GLIS3: variants seen among roughly 807,000 people sequenced by gnomAD.
GLIS3 encodes the protein zinc finger protein GLIS3.
In GLIS3, 53 loss-of-function variants were observed where a neutral mutation model predicts 78.6. The observed-to-expected ratio is 0.67, with a 90% CI of 0.54 to 0.85. GLIS3 has a LOEUF of 0.85. GLIS3 is among the 40% of genes least tolerant of loss of function. The probability of loss-of-function intolerance (pLI) is 0.00; values close to 1 mark genes in which losing one functional copy is unlikely to be tolerated. For missense variants in GLIS3, 1,703 were observed against 1,231.1 expected (o/e 1.38, Z -5.74); for synonymous variants, 684 against 509.9 (o/e 1.34, Z -4.60).
chr9:4,467,991 G>A, the GLIS3 span, among the ~76,000 whole-genome samples: 1 of 152,126 alleles, frequency 6.6e-6, no homozygotes, highest in Non-Finnish European at 1.5e-5. Context: ...ACGTGACACA[G>A]GCACAAGGTT....
At chr9:4,443,305 A>G in the GLIS3 span, among the ~76,000 whole-genome samples, 1 of 152,086 alleles carries the variant, frequency 6.6e-6, no homozygotes, top group Admixed American at 6.6e-5. Flanking sequence ...ACTTTCTTTA[A>G]TTTTTTCTGT....
Position 4,045,932 on chromosome 9 carries a change from G to A in GLIS3, c.1710+71836C>T, listed in dbSNP as rs563643880. On this transcript the variant is annotated intron_variant, in intron 4 of 10. Coordinates refer to ENST00000381971, the MANE Select transcript of GLIS3 (RefSeq NM_001042413.2). ...AGATTCTAAAAATTATATAGAGGTC[G>A]GTCACCTTGGGAGATCGGGGGGGAA... is the stretch of plus-strand genomic sequence containing the variant. Among the ~76,000 whole-genome samples the A allele has an allele frequency of 1.9e-3, 287 of 152,162 alleles. 1 individual carries two copies. Among genetic ancestry groups the A allele is most frequent in the Non-Finnish European group, 1.5e-3 (102 of 67,994 alleles).
At chr9:4,346,596 A>G (rs1817900711) in intron 2 of GLIS3, among the ~76,000 whole-genome samples, 1 of 152,218 alleles carries the variant, frequency 6.6e-6, no homozygotes, top group African/African-American at 2.4e-5. Flanking sequence ...TCTCAGTTGC[A>G]CCTTTATGGC....
chr9:4,470,110 T>C, the GLIS3 span, among the ~76,000 whole-genome samples: 5 of 152,134 alleles, frequency 3.3e-5, no homozygotes, highest in African/African-American at 1.2e-4. Flanking sequence ...AGGCAATAAT[T>C]AATAACCCAC....
In GLIS3 at chr9:3,977,050, T is replaced by C. The variant is rs1324772654; in HGVS notation, c.1711-39861A>G. 6.6e-6 allele frequency among the ~76,000 whole-genome samples: 1 copy of C among 152,116 alleles called. No homozygotes were observed. Among genetic ancestry groups the C allele is most frequent in the East Asian group, 1.9e-4 (1 of 5,188 alleles). On this transcript the variant is annotated intron_variant, in intron 4 of 10. Transcript: ENST00000381971. This position sits in a 1 kb window ranked among gnomAD's most constrained non-coding sequence, Gnocchi z 4.1. ...TTTCAGATAACGCAGCCTTCTGTCA[T>C]GTTCTCCTACTCTGAGGTTTATGCA...
At chr9:4,223,288 T>C (rs1821490455) in intron 2 of GLIS3, among the ~76,000 whole-genome samples, 3 of 152,236 alleles carry the variant, frequency 2.0e-5, no homozygotes, top group Admixed American at 6.5e-5. Flanking sequence ...ACTTCTACTG[T>C]GTCACTTTGG....
intron 4 of GLIS3, among the ~76,000 whole-genome samples, chr9:4,085,070 A>C (rs1374223070): frequency 1.3e-5 from 2 of 152,130 alleles, no homozygotes; most frequent in Admixed American, 6.5e-5. Flanking sequence ...TACTCAACAG[A>C]AACAACAAAA....
chr9:4,252,213 T>G (rs750321126), intron 2 of GLIS3, among the ~76,000 whole-genome samples: 16 of 152,202 alleles, frequency 1.1e-4, no homozygotes, highest in Non-Finnish European at 1.8e-4. Flanking sequence ...AAAGCTTGGT[T>G]CCATTCTCCC....
chr9:3,980,798 T>A (rs1014200748), intron 4 of GLIS3, among the ~76,000 whole-genome samples: 51 of 152,204 alleles, frequency 3.4e-4, no homozygotes, highest in Non-Finnish European at 5.9e-5. Context: ...TTCTGCCTTC[T>A]GCTTCTCACT....
At chr9:4,143,556 G>T (rs1163129961) in intron 2 of GLIS3, among the ~76,000 whole-genome samples, 3 of 140,890 alleles carry the variant, frequency 2.1e-5, no homozygotes, top group African/African-American at 7.9e-5. Context: ...GACAGAGCAA[G>T]ACTGTCTCAA....
At chr9:4,326,006 A>G (rs1817592467) in intron 2 of GLIS3, among the ~76,000 whole-genome samples, 1 of 152,192 alleles carries the variant, frequency 6.6e-6, no homozygotes, top group Non-Finnish European at 1.5e-5. Context: ...AATGATGATG[A>G]GAACACAAGT....
intron 4 of GLIS3, chr9:4,034,569 C>T (rs1824149717): frequency 6.6e-6 from 1 of 152,168 alleles, no homozygotes; most frequent in Non-Finnish European, 1.5e-5. Flanking sequence ...CTCGGGGATT[C>T]ACAGAAAGCG....
the GLIS3 span, among the ~76,000 whole-genome samples, chr9:4,435,023 A>T: frequency 6.6e-6 from 1 of 152,232 alleles, no homozygotes; most frequent in Non-Finnish European, 1.5e-5. Context: ...TTGTACAAGA[A>T]TTTGGGTTGT....
rs760535978 is a variant in GLIS3 at position 4,053,705 on chromosome 9, T to TAAAAAA, written c.1710+64057_1710+64062dup. Among the ~76,000 whole-genome samples, 16 of 91,148 alleles carry TAAAAAA rather than the reference T, an allele frequency of 1.8e-4. No homozygotes were observed. The South Asian group carries it at 1.9e-3, about 11-fold the overall frequency. 59.8% of individuals were successfully genotyped at this position (91,148 alleles called of 152,430 possible). On this transcript the variant is annotated intron_variant, in intron 4 of 10. Coordinates refer to ENST00000381971, the MANE Select transcript of GLIS3 (RefSeq NM_001042413.2). ...AGTGCCTACTTGTTTTCTTTCTTCA[T>TAAAAAA]AAAAAAAAAAAAAAAAAATTCTGGA... is the stretch of plus-strand genomic sequence containing the variant.
chr9:4,125,616 G>A (rs1001727987), intron 3 of GLIS3, 118 bp downstream of exon 3: 1 of 775,374 alleles, frequency 1.3e-6, no homozygotes, highest in African/African-American at 1.8e-5. Context: ...AGAGTTGCTT[G>A]AGTGTGTAAG....
At chr9:4,202,726 C>A (rs1451068470) in intron 2 of GLIS3, among the ~76,000 whole-genome samples, 1 of 152,090 alleles carries the variant, frequency 6.6e-6, no homozygotes, top group East Asian at 1.9e-4. Flanking sequence ...GGAAAGGAAT[C>A]CCTATTAAAT....
chr9:4,332,157 A>G (rs914604580), intron 2 of GLIS3, among the ~76,000 whole-genome samples: 1 of 152,228 alleles, frequency 6.6e-6, no homozygotes, highest in African/African-American at 2.4e-5. Flanking sequence ...CAGCTTATCT[A>G]AATTTCTTGA....
At chr9:3,961,048 C>T (rs1817514550) in intron 4 of GLIS3, among the ~76,000 whole-genome samples, 1 of 152,198 alleles carries the variant, frequency 6.6e-6, no homozygotes, top group African/African-American at 2.4e-5. Context: ...CGGTTGCTAT[C>T]AGAGCCACAG....
At chr9:3,940,313 A>G (rs1218915822) in intron 4 of GLIS3, among the ~76,000 whole-genome samples, 1 of 152,136 alleles carries the variant, frequency 6.6e-6, no homozygotes, top group East Asian at 1.9e-4. Flanking sequence ...ATGAGCAAGC[A>G]TGTCTCACTT....
Sources: gnomAD v4.1 joint callset for allele counts (sites outside exome capture counted in the v4.1 genomes callset) on GRCh38, gnomAD v4.1.1 for gene constraint, Gnocchi (gnomAD v3.1) non-coding constraint, MANE v1.5 for transcripts, NCBI Gene and HGNC (gene_info 2026-07-23, HGNC 2026-07-21) for gene names.